PTPRD: variants seen among roughly 807,000 people sequenced by gnomAD.
PTPRD encodes the protein protein tyrosine phosphatase receptor type D.
PTPRD carries 34 observed loss-of-function variants against 214.5 expected under a neutral mutation model. The observed-to-expected ratio is 0.16, with a 90% CI of 0.12 to 0.21. The LOEUF is 0.21. PTPRD is among the 10% of genes least tolerant of loss of function. The pLI is 1.00. For synonymous variants in PTPRD, 1,128 were observed against 845.7 expected (o/e 1.33, Z -5.79); for missense variants, 2,545 against 2,398.7 (o/e 1.06, Z -1.27).
At chr9:9,895,112 T>C (rs139923170) in intron 5 of PTPRD, among the ~76,000 whole-genome samples, 1 of 152,190 alleles carries the variant, frequency 6.6e-6, no homozygotes, top group African/African-American at 2.4e-5. Context: ...TTTGAGGCTT[T>C]GGCTGGTTGT....
intron 5 of PTPRD, among the ~76,000 whole-genome samples, chr9:9,776,084 C>G (rs2098796712): frequency 6.6e-6 from 1 of 151,798 alleles, no homozygotes; most frequent in African/African-American, 2.4e-5. Flanking sequence ...GTGAGTGACT[C>G]CTGCCTTGCT....
intron 8 of PTPRD, among the ~76,000 whole-genome samples, chr9:9,507,939 A>G (rs558175624): frequency 6.6e-6 from 1 of 151,610 alleles, no homozygotes; most frequent in South Asian, 2.1e-4. Context: ...TCATTTCAGA[A>G]GGGGAAAATG....
chr9:8,552,016 G>C (rs553146651), intron 14 of PTPRD, among the ~76,000 whole-genome samples: 2 of 152,276 alleles, frequency 1.3e-5, no homozygotes, highest in African/African-American at 2.4e-5. Flanking sequence ...AAGTTGAAAA[G>C]TTCTGGCAAT....
chr9:10,558,356 G>A (rs903787814), intron 2 of PTPRD, among the ~76,000 whole-genome samples: 2 of 152,084 alleles, frequency 1.3e-5, no homozygotes, highest in African/African-American at 4.8e-5. Flanking sequence ...AATAATAAAA[G>A]TTTCAGAGTC....
At chr9:8,566,214 T>A (rs1004436358) in intron 14 of PTPRD, among the ~76,000 whole-genome samples, 2 of 151,586 alleles carry the variant, frequency 1.3e-5, no homozygotes, top group African/African-American at 4.8e-5. Context: ...GTTAGAAACA[T>A]ATGAAGAGGG....
chr9:8,737,158 A>T (rs1024949595), intron 11 of PTPRD, among the ~76,000 whole-genome samples: 2 of 152,194 alleles, frequency 1.3e-5, no homozygotes, highest in Admixed American at 6.5e-5. Flanking sequence ...AATTTTTTCA[A>T]ATGAACCTTC....
At position 8,636,722 on chromosome 9, in the gene PTPRD, T is replaced by G; in HGVS notation, c.187A>C (p.Lys63Gln). The change falls in exon 13 of 46, where the codon AAA becomes CAA. Residue 63 changes from lysine to glutamine, a missense_variant. Physicochemically the swap from Lys to Gln is moderately conservative, Grantham distance 53. Coordinates refer to ENST00000381196, the MANE Select transcript of PTPRD (RefSeq NM_002839.4). The part of the protein sequence containing the change: ...PKIVWNKKGK[K>Q]VSNQRFEVIE... ...ACCTCAAATCTCTGATTGCTGACTT[T>G]CTTTCCTTTTTTGTTCCAGACAATT... 6.2e-7 allele frequency: 1 copy of G among 1,614,078 alleles called. No individual in the cohort carries two copies. Among genetic ancestry groups the G allele is most frequent in the South Asian group, 1.1e-5 (1 of 91,084 alleles).
chr9:8,792,911 T>A (rs951880521), intron 11 of PTPRD, among the ~76,000 whole-genome samples: 2 of 152,148 alleles, frequency 1.3e-5, no homozygotes, highest in African/African-American at 2.4e-5. Flanking sequence ...TACAGCTACT[T>A]CACATTTACA....
intron 5 of PTPRD, among the ~76,000 whole-genome samples, chr9:9,875,264 A>G (rs2066523436): frequency 6.6e-6 from 1 of 152,140 alleles, no homozygotes; most frequent in South Asian, 2.1e-4. Flanking sequence ...AAGCAAAATT[A>G]CACATCACTA....
intron 11 of PTPRD, among the ~76,000 whole-genome samples, chr9:8,921,167 A>T (rs1485136517): frequency 6.6e-6 from 1 of 152,180 alleles, no homozygotes; most frequent in Non-Finnish European, 1.5e-5. Context: ...CTGCCACTGG[A>T]ATCTGTGAGG....
chr9:10,519,668 G>C (rs1488218489), intron 2 of PTPRD, among the ~76,000 whole-genome samples: 3 of 152,038 alleles, frequency 2.0e-5, no homozygotes, highest in Non-Finnish European at 2.9e-5. Flanking sequence ...TTTTGCAATA[G>C]CATGTGCTCA....
intron 7 of PTPRD, among the ~76,000 whole-genome samples, chr9:9,662,240 A>G (rs1043462736): frequency 1.3e-5 from 2 of 151,678 alleles, no homozygotes; most frequent in African/African-American, 4.8e-5. Context: ...ATAAAGTATC[A>G]TAACAAAACC....
intron 5 of PTPRD, among the ~76,000 whole-genome samples, chr9:9,867,577 A>G (rs2064299416): frequency 6.6e-6 from 1 of 152,132 alleles, no homozygotes; most frequent in Non-Finnish European, 1.5e-5. Context: ...ACCAGTTGCT[A>G]TTTCAAAGGA....
intron 7 of PTPRD, among the ~76,000 whole-genome samples, chr9:9,720,257 A>C (rs2097912641): frequency 6.6e-6 from 1 of 152,210 alleles, no homozygotes; most frequent in East Asian, 1.9e-4. Flanking sequence ...ATTTACACTT[A>C]TACTCTCACT....
chr9:9,138,423 A>G (rs1317417295), intron 10 of PTPRD, among the ~76,000 whole-genome samples: 2 of 152,176 alleles, frequency 1.3e-5, no homozygotes, highest in African/African-American at 4.8e-5. Flanking sequence ...TTAAAAGTCA[A>G]ACATATCTTG....
intron 10 of PTPRD, among the ~76,000 whole-genome samples, chr9:9,067,469 T>C (rs923940106): frequency 2.0e-5 from 3 of 152,224 alleles, no homozygotes; most frequent in Admixed American, 6.5e-5. Context: ...TTCTAAGGTA[T>C]GAGTATATTG....
chr9:9,046,322 G>A (rs1027774268), intron 10 of PTPRD, among the ~76,000 whole-genome samples: 1 of 152,162 alleles, frequency 6.6e-6, no homozygotes, highest in Non-Finnish European at 1.5e-5. Flanking sequence ...AGCAACATGT[G>A]ATTTAAACAA....
intron 9 of PTPRD, among the ~76,000 whole-genome samples, chr9:9,241,748 G>A (rs898310159): frequency 1.9e-4 from 28 of 151,306 alleles, no homozygotes; most frequent in Admixed American, 1.8e-3. Context: ...CTCTCCATAC[G>A]AGATGGGTTT....
At chr9:9,944,963 A>G (rs2092336375) in intron 4 of PTPRD, among the ~76,000 whole-genome samples, 1 of 151,458 alleles carries the variant, frequency 6.6e-6, no homozygotes, top group Admixed American at 6.6e-5. Context: ...AAAAGTCTAG[A>G]AAAGAGATGA....
Sources: allele counts gnomAD v4.1 joint callset (sites outside exome capture counted in the v4.1 genomes callset), GRCh38; gene constraint gnomAD v4.1.1; transcripts MANE v1.5; gene names NCBI Gene and HGNC (gene_info 2026-07-23, HGNC 2026-07-21).